Variants in KCNAB1 observed in about 807,000 individuals in gnomAD.
The protein encoded by KCNAB1 is potassium voltage-gated channel subfamily A regulatory beta subunit 1, also known as voltage-gated potassium channel subunit beta-1.
A neutral mutation model predicts 64.6 loss-of-function variants in KCNAB1; 35 were observed. That is an observed-to-expected ratio of 0.54 (90% confidence interval 0.41 to 0.72). The LOEUF is 0.72. KCNAB1 is among the 30% of genes least tolerant of loss of function. The probability of loss-of-function intolerance (pLI) is 0.00; values close to 1 mark genes in which losing one functional copy is unlikely to be tolerated. For missense variants in KCNAB1, 401 were observed against 512.9 expected (o/e 0.78, Z 2.11); for synonymous variants, 177 against 183.8 (o/e 0.96, Z 0.30).
chr3:156,256,200 AT>A (rs1271372948), intron 1 of KCNAB1, among the ~76,000 whole-genome samples: 1 of 152,224 alleles, frequency 6.6e-6, no homozygotes, highest in African/African-American at 2.4e-5. Context: ...TCAGCACCTA[AT>A]TGTATTCCTG....
intron 8 of KCNAB1, among the ~76,000 whole-genome samples, chr3:156,512,449 C>T (rs906288062): frequency 6.6e-6 from 1 of 152,240 alleles, no homozygotes; most frequent in Non-Finnish European, 1.5e-5. Context: ...CTGTTAACCT[C>T]TTCTGTGTTT....
At chr3:156,246,333 C>T (rs375141180) in intron 1 of KCNAB1, among the ~76,000 whole-genome samples, 5 of 152,228 alleles carry the variant, frequency 3.3e-5, no homozygotes, top group South Asian at 2.1e-4. Context: ...AGGCCAGGCG[C>T]GGTGGCTCAC....
intron 1 of KCNAB1, among the ~76,000 whole-genome samples, chr3:156,258,045 T>A (rs1242650974): frequency 3.3e-5 from 5 of 152,194 alleles, no homozygotes; most frequent in African/African-American, 1.2e-4. Context: ...CTAGGCAGCA[T>A]TAGGCTTAAC....
At chr3:156,397,274 T>C (rs1049292115) in intron 1 of KCNAB1, among the ~76,000 whole-genome samples, 1 of 152,222 alleles carries the variant, frequency 6.6e-6, no homozygotes, top group African/African-American at 2.4e-5. Context: ...GACAGCAACT[T>C]ACATGTGTTG....
chr3:156,482,193 C>T (rs1487992158), intron 8 of KCNAB1, among the ~76,000 whole-genome samples: 12 of 151,452 alleles, frequency 7.9e-5, no homozygotes, highest in Non-Finnish European at 1.3e-4. Context: ...ATAAATTTTC[C>T]AGGGTTAATC....
chr3:156,257,168 A>T (rs1718144861), intron 1 of KCNAB1, among the ~76,000 whole-genome samples: 1 of 152,140 alleles, frequency 6.6e-6, no homozygotes, highest in Non-Finnish European at 1.5e-5. Context: ...CCAGGACTTG[A>T]TTGAATCACA....
intron 1 of KCNAB1, among the ~76,000 whole-genome samples, chr3:156,278,934 CTTTA>C (rs1013936565): frequency 2.0e-5 from 3 of 151,766 alleles, no homozygotes; most frequent in African/African-American, 4.8e-5. Context: ...TTTGGGAATA[CTTTA>C]TTTTATTTTT....
At chr3:156,355,664 C>T (rs1177286680) in intron 1 of KCNAB1, among the ~76,000 whole-genome samples, 1 of 152,114 alleles carries the variant, frequency 6.6e-6, no homozygotes, top group Admixed American at 6.5e-5. Context: ...AATCAAAATT[C>T]AGTTTGGAAA....
chr3:156,299,676 A>G (rs1174539706), intron 1 of KCNAB1, among the ~76,000 whole-genome samples: 1 of 152,168 alleles, frequency 6.6e-6, no homozygotes, highest in Non-Finnish European at 1.5e-5. Context: ...GTTGATTTTC[A>G]TTTACCCAGA....
At chr3:156,534,437 C>G (rs1428101587) in intron 13 of KCNAB1, among the ~76,000 whole-genome samples, 2 of 152,106 alleles carry the variant, frequency 1.3e-5, no homozygotes, top group Non-Finnish European at 2.9e-5. Context: ...GGTGGGAGAA[C>G]CGCCTCTCCC....
chr3:156,372,633 G>A (rs981303568), intron 1 of KCNAB1, among the ~76,000 whole-genome samples: 2 of 152,220 alleles, frequency 1.3e-5, no homozygotes, highest in Non-Finnish European at 2.9e-5. Flanking sequence ...CAAACACTCA[G>A]TAGGTGTGAG....
At position 156,226,337 on chromosome 3, in the gene KCNAB1, G is replaced by T. The variant is rs534598091; in HGVS notation, c.275+105451G>T. On this transcript the variant is annotated intron_variant, in intron 1 of 13. Transcript: ENST00000490337. ...AAGGATACCCTACTCAACAAACGGT[G>T]CTGGGATAATTGGCTAGCTACATGT... is the stretch of plus-strand genomic sequence containing the variant. Among the ~76,000 whole-genome samples the T allele has an allele frequency of 9.2e-5, 14 of 152,262 alleles. No individual in the cohort carries two copies. In the South Asian group the frequency reaches 2.3e-3, roughly 25 times the overall value.
intron 2 of KCNAB1, among the ~76,000 whole-genome samples, chr3:156,449,662 T>G (rs1206889043): frequency 6.6e-6 from 1 of 152,248 alleles, no homozygotes; most frequent in East Asian, 1.9e-4. Flanking sequence ...AGAACATTTT[T>G]AGAATTTGGT....
At chr3:156,446,480 A>G (rs1399331467) in intron 2 of KCNAB1, among the ~76,000 whole-genome samples, 1 of 152,232 alleles carries the variant, frequency 6.6e-6, no homozygotes, top group Non-Finnish European at 1.5e-5. Context: ...CTCAAAATAG[A>G]TGAAATGTCT....
intron 1 of KCNAB1, among the ~76,000 whole-genome samples, chr3:156,139,193 A>G (rs972563127): frequency 9.2e-5 from 14 of 152,332 alleles, no homozygotes; most frequent in Non-Finnish European, 1.0e-4. Context: ...TATTAAATAT[A>G]GTTTCTATCC....
intron 8 of KCNAB1, among the ~76,000 whole-genome samples, chr3:156,502,114 A>G (rs138643202): frequency 1.0e-3 from 157 of 152,266 alleles, no homozygotes; most frequent in Non-Finnish European, 1.9e-3. Context: ...ATCAGATGCC[A>G]ATTCTGCTAA....
intron 1 of KCNAB1, among the ~76,000 whole-genome samples, chr3:156,403,476 A>G (rs567829880): frequency 1.3e-5 from 2 of 152,310 alleles, no homozygotes; most frequent in Admixed American, 6.5e-5. Flanking sequence ...ACTTATTTTT[A>G]TCTTCTTTCC....
intron 12 of KCNAB1, among the ~76,000 whole-genome samples, chr3:156,527,974 T>C (rs1268629211): frequency 6.6e-6 from 1 of 152,216 alleles, no homozygotes; most frequent in Non-Finnish European, 1.5e-5. Context: ...CAGAATCAGC[T>C]GCAGTTGCTA....
At chr3:156,300,422 T>C (rs1024674002) in intron 1 of KCNAB1, among the ~76,000 whole-genome samples, 4 of 152,218 alleles carry the variant, frequency 2.6e-5, no homozygotes, top group Admixed American at 2.0e-4. Flanking sequence ...GATTTCATTT[T>C]CTGACTCCCA....
Sources: allele counts gnomAD v4.1 joint callset (sites outside exome capture counted in the v4.1 genomes callset), GRCh38; gene constraint gnomAD v4.1.1; transcripts MANE v1.5; gene names NCBI Gene and HGNC (gene_info 2026-07-23, HGNC 2026-07-21).